The following EXOC4 variants were observed in gnomAD, a reference collection of about 807,000 sequenced individuals.
The protein encoded by EXOC4 is exocyst complex component 4.
Under a neutral mutation model 107.2 loss-of-function variants are expected in EXOC4, and 71 were observed. The observed-to-expected ratio is 0.66, with a 90% CI of 0.55 to 0.81. The LOEUF (loss-of-function observed/expected upper bound fraction) is 0.81. Among genes scored for constraint, EXOC4 ranks in the 30% least tolerant of loss-of-function variants. The probability of loss-of-function intolerance (pLI) is 0.00; values close to 1 mark genes in which losing one functional copy is unlikely to be tolerated. For missense variants in EXOC4, 1,108 were observed against 1,189.6 expected (o/e 0.93, Z 1.01); for synonymous variants, 456 against 441.2 (o/e 1.03, Z -0.42).
chr7:133,752,133 C>T (rs1475689332), intron 10 of EXOC4, among the ~76,000 whole-genome samples: 2 of 152,104 alleles, frequency 1.3e-5, no homozygotes, highest in Non-Finnish European at 2.9e-5. Flanking sequence ...TGCACTCCAG[C>T]CTGGACAACA....
At chr7:133,291,580 C>T (rs183403901) in intron 3 of EXOC4, among the ~76,000 whole-genome samples, 1 of 151,974 alleles carries the variant, frequency 6.6e-6, no homozygotes, top group Admixed American at 6.6e-5. Flanking sequence ...TGGGTTTTCA[C>T]CATGTTGGGT....
chr7:133,452,230 C>T (rs148468673), intron 7 of EXOC4, among the ~76,000 whole-genome samples: 103 of 152,204 alleles, frequency 6.8e-4, no homozygotes, highest in East Asian at 5.6e-3. Flanking sequence ...ATGGTCCCTA[C>T]AGCAGCATTA....
intron 6 of EXOC4, among the ~76,000 whole-genome samples, chr7:133,361,539 C>T (rs1033030316): frequency 4.6e-5 from 7 of 152,098 alleles, no homozygotes; most frequent in African/African-American, 2.4e-5. Context: ...CTCGGCCTCC[C>T]GAGTGTTGAT....
intron 10 of EXOC4, among the ~76,000 whole-genome samples, chr7:133,741,058 C>T (rs1795553639): frequency 6.6e-6 from 1 of 152,168 alleles, no homozygotes; most frequent in Admixed American, 6.5e-5. Flanking sequence ...TTAAATCCAG[C>T]CCATCTAACA....
chr7:133,802,869 G>GA (rs1796980868), intron 10 of EXOC4, among the ~76,000 whole-genome samples: 1 of 146,570 alleles, frequency 6.8e-6, no homozygotes, highest in Admixed American at 6.8e-5. Context: ...AAAAAAAAAA[G>GA]GAGAGAGAGA....
At chr7:133,666,847 C>G (rs1793828076) in intron 10 of EXOC4, among the ~76,000 whole-genome samples, 1 of 152,150 alleles carries the variant, frequency 6.6e-6, no homozygotes, top group Non-Finnish European at 1.5e-5. Context: ...TTCTTCAACT[C>G]TGTTCAAAGC....
chr7:133,750,850 G>A (rs1795780959), intron 10 of EXOC4, among the ~76,000 whole-genome samples: 1 of 152,094 alleles, frequency 6.6e-6, no homozygotes, highest in Non-Finnish European at 1.5e-5. Flanking sequence ...CAAAGTGTTG[G>A]GGCTTACAGG....
chr7:133,778,690 C>T (rs1353016527), intron 10 of EXOC4, among the ~76,000 whole-genome samples: 1 of 152,174 alleles, frequency 6.6e-6, no homozygotes, highest in Non-Finnish European at 1.5e-5. Flanking sequence ...ATCGTCTAAC[C>T]AAAGTTTCAG....
intron 9 of EXOC4, among the ~76,000 whole-genome samples, chr7:133,542,975 A>T (rs1436953807): frequency 1.3e-5 from 2 of 152,156 alleles, no homozygotes; most frequent in Non-Finnish European, 2.9e-5. Context: ...GACTGCCTGA[A>T]GACGACCATA....
chr7:133,954,607 G>T (rs1200311550), intron 14 of EXOC4, among the ~76,000 whole-genome samples: 1 of 152,228 alleles, frequency 6.6e-6, no homozygotes, highest in Non-Finnish European at 1.5e-5. Flanking sequence ...TGTGTTACTG[G>T]ATCCTTGGGG....
At chr7:133,420,581 G>A (rs1011082250) in intron 7 of EXOC4, among the ~76,000 whole-genome samples, 20 of 152,072 alleles carry the variant, frequency 1.3e-4, no homozygotes, top group Non-Finnish European at 2.4e-4. Context: ...TCCCTCCCAC[G>A]CCGAAGGGGA....
intron 14 of EXOC4, among the ~76,000 whole-genome samples, chr7:133,992,412 A>G (rs1004490628): frequency 1.6e-4 from 25 of 152,078 alleles, no homozygotes; most frequent in Non-Finnish European, 2.5e-4. Context: ...CCTCCTGAGT[A>G]GCTGAGATTA....
At chr7:133,537,553 TTTG>T (rs1245998280) in intron 9 of EXOC4, among the ~76,000 whole-genome samples, 2 of 152,172 alleles carry the variant, frequency 1.3e-5, no homozygotes, top group Non-Finnish European at 2.9e-5. Flanking sequence ...TGTACTCTAT[TTTG>T]TTCATTTTCT....
At chr7:133,752,611 A>G (rs1795817615) in intron 10 of EXOC4, among the ~76,000 whole-genome samples, 1 of 152,242 alleles carries the variant, frequency 6.6e-6, no homozygotes, top group Non-Finnish European at 1.5e-5. Context: ...GAAAATGAAC[A>G]TTAAAAAAGT....
intron 17 of EXOC4, among the ~76,000 whole-genome samples, chr7:134,033,821 A>C (rs1795325495): frequency 1.3e-5 from 2 of 152,240 alleles, no homozygotes; most frequent in Non-Finnish European, 2.9e-5. Context: ...CTGGTATCAG[A>C]CTTATGATCA....
intron 11 of EXOC4, among the ~76,000 whole-genome samples, chr7:133,832,833 G>A (rs371492310): frequency 2.6e-5 from 4 of 152,112 alleles, no homozygotes; most frequent in African/African-American, 9.6e-5. Flanking sequence ...AAATTGTAGG[G>A]GTCAGTGGGC....
chr7:133,295,152 T>C (rs1376698166), intron 3 of EXOC4, among the ~76,000 whole-genome samples: 1 of 152,136 alleles, frequency 6.6e-6, no homozygotes, highest in Non-Finnish European at 1.5e-5. Flanking sequence ...TGGACTTCTT[T>C]TGAGCTAGTA....
intron 9 of EXOC4, among the ~76,000 whole-genome samples, chr7:133,528,887 G>C (rs1414845984): frequency 6.6e-6 from 1 of 152,096 alleles, no homozygotes; most frequent in Non-Finnish European, 1.5e-5. Context: ...ACAGATGTAT[G>C]ATTTAGCATT....
chr7:133,327,903 T>C (rs1795285407), intron 5 of EXOC4, among the ~76,000 whole-genome samples: 1 of 152,202 alleles, frequency 6.6e-6, no homozygotes, highest in Admixed American at 6.5e-5. Context: ...CTGAGAAGAA[T>C]GTATATTCTG....
Sources: allele counts gnomAD v4.1 joint callset (sites outside exome capture counted in the v4.1 genomes callset), GRCh38; gene constraint gnomAD v4.1.1; transcripts MANE v1.5; gene names NCBI Gene and HGNC (gene_info 2026-07-23, HGNC 2026-07-21).